IPO5: variants seen among roughly 807,000 people sequenced by gnomAD.
IPO5 encodes the protein importin 5, also known as importin-5.
Under a neutral mutation model 143.3 loss-of-function variants are expected in IPO5, and 18 were observed. That is an observed-to-expected ratio of 0.13 (90% confidence interval 0.09 to 0.19). The LOEUF is 0.19. IPO5 is among the 10% of genes least tolerant of loss of function. The probability of loss-of-function intolerance (pLI) is 1.00; values close to 1 mark genes in which losing one functional copy is unlikely to be tolerated. For missense variants in IPO5, 1,013 were observed against 1,336.9 expected (o/e 0.76, Z 3.78); for synonymous variants, 477 against 465.7 (o/e 1.02, Z -0.31).
At chr13:98,006,448 C>T in intron 17 of IPO5, 100 bp downstream of exon 17, 1 of 695,596 alleles carries the variant, frequency 1.4e-6, no homozygotes, top group Non-Finnish European at 2.2e-6. Context: ...GATCTCGGCT[C>T]ACTGCAAACT....
intron 3 of IPO5, 68 bp downstream of exon 3, chr13:97,969,898 C>G: frequency 8.1e-7 from 1 of 1,236,730 alleles, no homozygotes; most frequent in South Asian, 1.3e-5. Context: ...AAGGTCTCGC[C>G]ATGTTGCCCA....
chr13:97,957,485 C>T (rs534510809), intron 2 of IPO5, among the ~76,000 whole-genome samples: 2 of 152,132 alleles, frequency 1.3e-5, no homozygotes, highest in South Asian at 2.1e-4. Context: ...CATGAGCCAC[C>T]GCACTCAGCC....
In IPO5 at chr13:97,988,680, C is replaced by T. The variant is rs190483009; in HGVS notation, c.365-382C>T. Among the ~76,000 whole-genome samples, 773 of 152,178 alleles carry T rather than the reference C, an allele frequency of 5.1e-3. 12 individuals carry two copies. Among genetic ancestry groups the T allele is most frequent in the Admixed American group, 0.034 (523 of 15,290 alleles). The stretch of plus-strand genomic sequence containing the variant: ...GCAGGCGCCTGTAATCCCAGCTACT[C>T]GGGAGGCTGAGGCAGGAGAATTGCT... On this transcript the variant is annotated intron_variant, in intron 6 of 28. Transcript: ENST00000651721.
chr13:98,002,838 T>G (rs757316157), intron 15 of IPO5, 26 bp from the exon 16 acceptor site: 2 of 1,603,594 alleles, frequency 1.2e-6, no homozygotes, highest in African/African-American at 1.3e-5. Context: ...TTTCAACATG[T>G]GTGCCCATTT....
At chr13:97,998,100 C>T (rs1200202553) in intron 12 of IPO5, among the ~76,000 whole-genome samples, 2 of 152,122 alleles carry the variant, frequency 1.3e-5, no homozygotes, top group Admixed American at 6.5e-5. Context: ...CTCAGCCTCC[C>T]GAGTAGCTGG....
rs1240918296 is a variant in IPO5, at chr13:98,019,850, A to G, written c.3065+41A>G. On this transcript the variant is annotated intron_variant, in intron 27 of 28. Coordinates refer to ENST00000651721, the MANE Select transcript of IPO5 (RefSeq NM_002271.6). The stretch of plus-strand genomic sequence containing the variant: ...GTGACCTTATTTCCTTCTCCTCCAC[A>G]GTGCTTCCTGGTTTTTCTTGCCTAA... The G allele has an allele frequency of 5.8e-6, 8 of 1,367,726 alleles. No individual in the cohort carries two copies. In the East Asian group the frequency reaches 9.2e-5, roughly 16 times the overall value. 84.7% of individuals were successfully genotyped at this position (1,367,726 alleles called of 1,614,324 possible).
At chr13:97,979,020 A>T (rs769421040) in intron 4 of IPO5, among the ~76,000 whole-genome samples, 2 of 152,212 alleles carry the variant, frequency 1.3e-5, no homozygotes, top group Admixed American at 1.3e-4. Context: ...AAGTACTGTG[A>T]TACAGAATTT....
At chr13:97,987,387 C>T (rs1351500042) in intron 6 of IPO5, among the ~76,000 whole-genome samples, 2 of 152,066 alleles carry the variant, frequency 1.3e-5, no homozygotes, top group Admixed American at 6.6e-5. Flanking sequence ...TACATTATGA[C>T]ACTAATTTTA....
At chr13:97,958,742 T>C (rs1399104470) in intron 2 of IPO5, among the ~76,000 whole-genome samples, 2 of 151,390 alleles carry the variant, frequency 1.3e-5, no homozygotes, top group Non-Finnish European at 2.9e-5. Flanking sequence ...ACACTGTTGA[T>C]TGCTACCACC....
At chr13:98,011,501 A>G (rs1889714106) in intron 20 of IPO5, among the ~76,000 whole-genome samples, 1 of 151,296 alleles carries the variant, frequency 6.6e-6, no homozygotes, top group South Asian at 2.1e-4. Flanking sequence ...CATGTTGGCC[A>G]GGCTGGTCTT....
intron 6 of IPO5, among the ~76,000 whole-genome samples, chr13:97,988,424 A>C (rs752312148): frequency 1.3e-5 from 2 of 152,194 alleles, no homozygotes; most frequent in Non-Finnish European, 2.9e-5. Flanking sequence ...GGTATATATA[A>C]AGGAGTCAGT....
intron 28 of IPO5, 79 bp from the exon 29 acceptor site, chr13:98,021,657 C>CAA (rs1302447300): frequency 8.0e-6 from 6 of 747,400 alleles, no homozygotes; most frequent in Middle Eastern, 2.8e-4. Flanking sequence ...GCCATGATTA[C>CAA]AGTTTACCTA....
chr13:97,976,139 A>C (rs1391668275), intron 3 of IPO5: 9 of 184,794 alleles, frequency 4.9e-5, no homozygotes, highest in Non-Finnish European at 8.2e-5. Flanking sequence ...GAGGCCGACC[A>C]GCCCGCGGCG....
At chr13:97,995,067 G>A (rs762031069) in intron 11 of IPO5, among the ~76,000 whole-genome samples, 4 of 150,698 alleles carry the variant, frequency 2.7e-5, no homozygotes, top group Non-Finnish European at 4.4e-5. Context: ...CAAGGCTGCC[G>A]TGAGCCAAGA....
At chr13:97,979,084 G>C (rs1886628612) in intron 4 of IPO5, among the ~76,000 whole-genome samples, 1 of 152,120 alleles carries the variant, frequency 6.6e-6, no homozygotes, top group African/African-American at 2.4e-5. Context: ...TGGTGCCATA[G>C]AATGCCCCTT....
intron 2 of IPO5, among the ~76,000 whole-genome samples, chr13:97,964,850 C>T (rs1298650295): frequency 6.6e-6 from 1 of 152,062 alleles, no homozygotes; most frequent in East Asian, 1.9e-4. Flanking sequence ...AGTATATACC[C>T]AAAGGATTAT....
chr13:97,990,086 T>C (rs112489854), intron 7 of IPO5, 40 bp from the exon 8 acceptor site: 28 of 1,166,868 alleles, frequency 2.4e-5, no homozygotes, highest in African/African-American at 1.7e-4. Flanking sequence ...AAGATATTAA[T>C]ATAATGTAGT....
rs915586565 is a variant in IPO5, at chr13:98,022,606, A to G, written c.*784A>G. 1.5e-4 allele frequency: 23 copies of G among 152,198 alleles called. No homozygotes were observed. The highest frequency in any genetic ancestry group is 7.3e-5 in the Non-Finnish European group (5 of 68,044). The allele number at this position is 152,198 out of a possible 1,614,324, so 9.4% of individuals were successfully genotyped here. Reference sequence around the variant, plus strand: ...GTAATAGCTGAGTGTTTTTTCCCCTAATATTTTCCTTGTGCAATTCAGACT... The same window carrying G: ...GTAATAGCTGAGTGTTTTTTCCCCTGATATTTTCCTTGTGCAATTCAGACT... On this transcript the variant is annotated 3_prime_UTR_variant, in exon 29 of 29. Transcript: ENST00000651721.
chr13:98,023,836 T>C lies in IPO5; in HGVS notation c.*2014T>C, dbSNP rs1233455240. Reference sequence around the variant, plus strand: ...GAAGGTTGGTAGTAAATGCTGTTAGTGTGACATGATTCTGAAACCCAGAGC... The same window carrying C: ...GAAGGTTGGTAGTAAATGCTGTTAGCGTGACATGATTCTGAAACCCAGAGC... On this transcript the variant is annotated 3_prime_UTR_variant, in exon 29 of 29. Coordinates refer to ENST00000651721, the MANE Select transcript of IPO5 (RefSeq NM_002271.6). 1 of 152,212 alleles carries C rather than the reference T, an allele frequency of 6.6e-6. No homozygotes were observed. Among genetic ancestry groups the C allele is most frequent in the Non-Finnish European group, 1.5e-5 (1 of 68,040 alleles). 9.4% of individuals were successfully genotyped at this position (152,212 alleles called of 1,614,324 possible). A position where few individuals can be genotyped will look rare whatever the true frequency, so the allele number is the denominator to read the frequency against.
Sources: allele counts gnomAD v4.1 joint callset (sites outside exome capture counted in the v4.1 genomes callset), GRCh38; gene constraint gnomAD v4.1.1; transcripts MANE v1.5; gene names NCBI Gene and HGNC (gene_info 2026-07-23, HGNC 2026-07-21).